The following NUP54 variants were observed in gnomAD, a reference collection of about 807,000 sequenced individuals.
NUP54 encodes nucleoporin p54.
NUP54 carries 27 observed loss-of-function variants against 66.4 expected under a neutral mutation model. The observed-to-expected ratio is 0.41, with a 90% CI of 0.30 to 0.56. The LOEUF (loss-of-function observed/expected upper bound fraction) is 0.56. Among genes scored for constraint, NUP54 ranks in the 20% least tolerant of loss-of-function variants. NUP54 has a pLI of 0.34. For missense variants in NUP54, 486 were observed against 596.3 expected, an observed-to-expected ratio of 0.82 and a Z score of 1.93; for synonymous variants, 206 against 210.7, an observed-to-expected ratio of 0.98 and a Z score of 0.19.
intron 9 of NUP54, among the ~76,000 whole-genome samples, chr4:76,118,955 T>G (rs1004177112): frequency 4.7e-4 from 72 of 151,758 alleles, no homozygotes; most frequent in Admixed American, 2.9e-3. Flanking sequence ...GCAGTGAGCC[T>G]AGATCGCGCC....
At chr4:76,122,487 T>G (rs1730277474) in intron 9 of NUP54, among the ~76,000 whole-genome samples, 1 of 152,252 alleles carries the variant, frequency 6.6e-6, no homozygotes, top group African/African-American at 2.4e-5. Context: ...TTTTGTATAA[T>G]GTTATATAAA....
intron 9 of NUP54, among the ~76,000 whole-genome samples, chr4:76,119,800 C>A (rs1183407884): frequency 1.3e-5 from 2 of 152,108 alleles, no homozygotes; most frequent in Non-Finnish European, 2.9e-5. Flanking sequence ...AAAAACAGTG[C>A]AAATCCTTCC....
At chr4:76,130,125 C>A (rs979647312) in intron 8 of NUP54, among the ~76,000 whole-genome samples, 1 of 151,332 alleles carries the variant, frequency 6.6e-6, no homozygotes, top group East Asian at 2.0e-4. Context: ...GCATTACAGG[C>A]GTGCACCACG....
intron 9 of NUP54, 82 bp downstream of exon 9, chr4:76,124,567 T>A (rs1289339293): frequency 4.0e-6 from 2 of 496,378 alleles, no homozygotes; most frequent in East Asian, 6.9e-5. Flanking sequence ...TATTTTTTTT[T>A]CTATTTTAAA....
intron 3 of NUP54, 143 bp from the exon 4 acceptor site, chr4:76,136,555 T>C (rs559345802): frequency 8.1e-6 from 5 of 617,500 alleles, no homozygotes; most frequent in Non-Finnish European, 1.1e-5. Flanking sequence ...TTATCTTACA[T>C]AGCAAAAGGG....
rs774622660 is a variant in NUP54 at position 76,132,640 on chromosome 4, G to A, written c.790C>T (p.His264Tyr). The A allele has an allele frequency of 6.2e-7, 1 of 1,613,976 alleles. No individual in the cohort carries two copies. Among genetic ancestry groups the A allele is most frequent in the South Asian group, 1.1e-5 (1 of 91,056 alleles). The stretch of plus-strand genomic sequence containing the variant: ...GTTTTTATATTGGCTTGTTCAAAAT[G>A]GGCATATAGCGTTGTAGCTGGAACT... ...RRVPATTLYA[H>Y]FEQANIKTQL... Residue 264 changes from histidine to tyrosine, a missense_variant, in exon 6 of 12, where the codon CAT becomes TAT. Coordinates refer to ENST00000264883, the MANE Select transcript of NUP54 (RefSeq NM_017426.4).
At chr4:76,117,594 A>G in intron 11 of NUP54, 70 bp downstream of exon 11, 1 of 896,066 alleles carries the variant, frequency 1.1e-6, no homozygotes, top group Non-Finnish European at 1.8e-6. Context: ...TTATTAGGAT[A>G]ATAGCCATCC....
chr4:76,147,777 T>A, intron 1 of NUP54: 1 of 572,238 alleles, frequency 1.7e-6, no homozygotes, highest in Non-Finnish European at 2.6e-6. Context: ...CCAAACAGTT[T>A]AAGAAAGCAG....
chr4:76,117,954 G>C, intron 10 of NUP54, 121 bp downstream of exon 10: 1 of 1,106,756 alleles, frequency 9.0e-7, no homozygotes, highest in South Asian at 1.5e-5. Flanking sequence ...CTTTAGAAAG[G>C]AAGTTCTAAT....
rs1729879048 is a variant in NUP54 at position 76,114,843 on chromosome 4, T to C, written c.*523A>G. ...ATATAAAAATACATTTTCATATCTTTATAGAACAAAAACAAAACATTAAAT... is the reference window on the plus strand; with the variant it reads ...ATATAAAAATACATTTTCATATCTTCATAGAACAAAAACAAAACATTAAAT... On this transcript the variant is annotated 3_prime_UTR_variant, in exon 12 of 12. Coordinates refer to ENST00000264883, the MANE Select transcript of NUP54 (RefSeq NM_017426.4). 1.3e-5 allele frequency: 2 copies of C among 152,250 alleles called. No homozygotes were observed. Among genetic ancestry groups the C allele is most frequent in the Admixed American group, 6.5e-5 (1 of 15,288 alleles). 9.4% of individuals were successfully genotyped at this position (152,250 alleles called of 1,614,324 possible). A position where few individuals can be genotyped will look rare whatever the true frequency, so the allele number is the denominator to read the frequency against.
intron 8 of NUP54, among the ~76,000 whole-genome samples, chr4:76,125,358 GCA>G (rs1730436294): frequency 7.1e-6 from 1 of 141,200 alleles, no homozygotes; most frequent in South Asian, 2.2e-4. Context: ...ACACGGCTGG[GCA>G]CAGTGGGTCA....
chr4:76,122,721 T>C (rs558724354), intron 9 of NUP54, among the ~76,000 whole-genome samples: 4 of 152,230 alleles, frequency 2.6e-5, no homozygotes, highest in Admixed American at 1.3e-4. Context: ...CCAAGAGAAA[T>C]AGAAGTATAT....
rs1383443052 is a variant in NUP54 at position 76,118,266 on chromosome 4, T to C, written c.1165-72A>G. The C allele has an allele frequency of 3.7e-6, 5 of 1,354,852 alleles. No individual in the cohort carries two copies. The East Asian group carries it at 6.9e-5, about 19-fold the overall frequency. 83.9% of individuals were successfully genotyped at this position (1,354,852 alleles called of 1,614,324 possible). A position where few individuals can be genotyped will look rare whatever the true frequency, so the allele number is the denominator to read the frequency against. ...GTTATGCAAGTAGTAGTAGTACAATTAGTTACTGAAAGAAATCAGCTGAAA... is the reference window on the plus strand; with the variant it reads ...GTTATGCAAGTAGTAGTAGTACAATCAGTTACTGAAAGAAATCAGCTGAAA... On this transcript the variant is annotated intron_variant, in intron 9 of 11. Transcript: ENST00000264883.
At chr4:76,119,280 G>A (rs1483330020) in intron 9 of NUP54, among the ~76,000 whole-genome samples, 1 of 151,924 alleles carries the variant, frequency 6.6e-6, no homozygotes, top group African/African-American at 2.4e-5. Flanking sequence ...TTATTCCCCT[G>A]TACCTTTCTC....
chr4:76,139,947 T>C lies in NUP54; in HGVS notation c.296-3535A>G, dbSNP rs545036497. Reference sequence around the variant, plus strand: ...TGATTAATGACCTTAACTTATTTGATAAAATAAAGAAAACAGAAACCAGAT... The same window carrying C: ...TGATTAATGACCTTAACTTATTTGACAAAATAAAGAAAACAGAAACCAGAT... On this transcript the variant is annotated intron_variant, in intron 3 of 11. Coordinates refer to ENST00000264883, the MANE Select transcript of NUP54 (RefSeq NM_017426.4). 4.6e-5 allele frequency among the ~76,000 whole-genome samples: 7 copies of C among 152,236 alleles called. No homozygotes were observed. In the South Asian group the frequency reaches 1.5e-3, roughly 32 times the overall value.
At chr4:76,116,240 T>C (rs1430826105) in intron 11 of NUP54, among the ~76,000 whole-genome samples, 1 of 152,204 alleles carries the variant, frequency 6.6e-6, no homozygotes, top group Non-Finnish European at 1.5e-5. Flanking sequence ...TGCAAATACT[T>C]AAAACAATGG....
At chr4:76,143,630 G>C (rs1210941337) in intron 3 of NUP54, among the ~76,000 whole-genome samples, 1 of 152,100 alleles carries the variant, frequency 6.6e-6, no homozygotes, top group Non-Finnish European at 1.5e-5. Flanking sequence ...ATAAAAAAGA[G>C]AGATAAAAGA....
chr4:76,128,867 T>G (rs2109876745), intron 8 of NUP54, among the ~76,000 whole-genome samples: 1 of 152,280 alleles, frequency 6.6e-6, no homozygotes, highest in Non-Finnish European at 1.5e-5. Context: ...CACTCATATG[T>G]GGAAGCTAAA....
chr4:76,126,254 G>C (rs1277471655), intron 8 of NUP54, among the ~76,000 whole-genome samples: 1 of 152,136 alleles, frequency 6.6e-6, no homozygotes, highest in Non-Finnish European at 1.5e-5. Flanking sequence ...TTACAGGGTA[G>C]GTTAAAATCT....
Sources: gnomAD v4.1 joint callset for allele counts (sites outside exome capture counted in the v4.1 genomes callset) on GRCh38, gnomAD v4.1.1 for gene constraint, MANE v1.5 for transcripts, NCBI Gene and HGNC (gene_info 2026-07-23, HGNC 2026-07-21) for gene names.